Variants in HCRTR2 observed in about 807,000 individuals in gnomAD.
The protein encoded by HCRTR2 is orexin receptor type 2.
A neutral mutation model predicts 49.0 loss-of-function variants in HCRTR2; 22 were observed. That is an observed-to-expected ratio of 0.45 (90% confidence interval 0.32 to 0.64). The LOEUF (loss-of-function observed/expected upper bound fraction) is 0.64. Ranked by LOEUF, HCRTR2 falls within the 30% of genes least tolerant of loss-of-function variation. The probability of loss-of-function intolerance (pLI) is 0.04; values close to 1 mark genes in which losing one functional copy is unlikely to be tolerated. For missense variants in HCRTR2, 491 were observed against 559.4 expected (o/e 0.88, Z 1.23); for synonymous variants, 236 against 205.3 (o/e 1.15, Z -1.28).
intron 1 of HCRTR2, among the ~76,000 whole-genome samples, chr6:55,147,122 G>A (rs893016069): frequency 6.6e-6 from 1 of 152,006 alleles, no homozygotes; most frequent in Non-Finnish European, 1.5e-5. Context: ...AAAATGTAAG[G>A]TAATAATCTA....
chr6:55,228,463 T>C (rs1321139197), intron 1 of HCRTR2, among the ~76,000 whole-genome samples: 1 of 152,238 alleles, frequency 6.6e-6, no homozygotes. Flanking sequence ...AGAATGTCTG[T>C]ATCTTACAAT....
At chr6:55,109,801 G>A (rs1252944347) in intron 1 of HCRTR2, among the ~76,000 whole-genome samples, 1 of 152,022 alleles carries the variant, frequency 6.6e-6, no homozygotes, top group East Asian at 1.9e-4. Context: ...CATATTTGAA[G>A]GAATAATTGA....
chr6:55,248,218 G>A (rs146661040), intron 1 of HCRTR2, among the ~76,000 whole-genome samples: 1 of 152,098 alleles, frequency 6.6e-6, no homozygotes, highest in African/African-American at 2.4e-5. Flanking sequence ...GGGTTCAGGA[G>A]AAGATATGGG....
chr6:55,117,772 G>C (rs1764138056), intron 1 of HCRTR2, among the ~76,000 whole-genome samples: 1 of 96,328 alleles, frequency 1.0e-5, no homozygotes, highest in African/African-American at 4.2e-5. Flanking sequence ...CCTGCCCTTG[G>C]GATAAAGTCT....
chr6:55,244,150 T>A (rs1766387120), intron 1 of HCRTR2, among the ~76,000 whole-genome samples: 1 of 151,958 alleles, frequency 6.6e-6, no homozygotes, highest in Admixed American at 6.6e-5. Context: ...GGGCAAAAAT[T>A]CAACAGAAAC....
intron 2 of HCRTR2, among the ~76,000 whole-genome samples, chr6:55,250,210 A>G (rs970167737): frequency 2.0e-5 from 3 of 152,094 alleles, no homozygotes; most frequent in African/African-American, 4.8e-5. Flanking sequence ...AAAATCATGA[A>G]TGGATTACAA....
intron 1 of HCRTR2, among the ~76,000 whole-genome samples, chr6:55,179,213 C>T (rs902937954): frequency 6.6e-6 from 1 of 151,992 alleles, no homozygotes. Flanking sequence ...ATTTTAGTTT[C>T]ATGGGTGTTT....
chr6:55,119,056 T>C (rs369572664), intron 1 of HCRTR2, among the ~76,000 whole-genome samples: 1 of 151,930 alleles, frequency 6.6e-6, no homozygotes, highest in African/African-American at 2.4e-5. Flanking sequence ...TCTATTCCTA[T>C]GTTAGTTTAC....
At chr6:55,186,254 T>C (rs34694541) in intron 1 of HCRTR2, among the ~76,000 whole-genome samples, 1 of 152,148 alleles carries the variant, frequency 6.6e-6, no homozygotes. Context: ...GCAGGAGGAA[T>C]TTTTTACATA....
At chr6:55,116,372 G>A (rs1764115818) in intron 1 of HCRTR2, among the ~76,000 whole-genome samples, 2 of 151,384 alleles carry the variant, frequency 1.3e-5, no homozygotes, top group Admixed American at 6.6e-5. Context: ...GATTTAATTA[G>A]GGAATATATA....
At chr6:55,176,142 T>C (rs1327846116) in intron 1 of HCRTR2, among the ~76,000 whole-genome samples, 2 of 152,124 alleles carry the variant, frequency 1.3e-5, no homozygotes, top group East Asian at 1.9e-4. Flanking sequence ...TCCCGAGTAG[T>C]CTCTCACCAA....
chr6:55,274,276 TAC>T (rs1261593636), intron 4 of HCRTR2, among the ~76,000 whole-genome samples: 2 of 147,234 alleles, frequency 1.4e-5, no homozygotes, highest in African/African-American at 5.0e-5. Context: ...TATATACTTA[TAC>T]ATATATTTTA....
intron 1 of HCRTR2, among the ~76,000 whole-genome samples, chr6:55,138,294 A>G (rs1262203945): frequency 6.6e-6 from 1 of 152,230 alleles, no homozygotes; most frequent in Admixed American, 6.5e-5. Flanking sequence ...TTTAAGAAAG[A>G]TATAGTCTTC....
intron 1 of HCRTR2, among the ~76,000 whole-genome samples, chr6:55,133,387 A>AG (rs879516470): frequency 4.6e-5 from 7 of 151,472 alleles, no homozygotes; most frequent in Admixed American, 1.3e-4. Flanking sequence ...ACACACACAA[A>AG]AAAACACACA....
intron 1 of HCRTR2, among the ~76,000 whole-genome samples, chr6:55,118,431 G>T (rs555025528): frequency 1.4e-4 from 22 of 151,878 alleles, no homozygotes; most frequent in African/African-American, 4.8e-4. Context: ...TGAGATTGCT[G>T]GGTTGAATGG....
intron 1 of HCRTR2, among the ~76,000 whole-genome samples, chr6:55,224,389 G>A (rs1181344404): frequency 2.0e-5 from 3 of 152,024 alleles, no homozygotes; most frequent in Non-Finnish European, 2.9e-5. Flanking sequence ...AGGCCGAGGC[G>A]GGCAGATCAC....
intron 1 of HCRTR2, among the ~76,000 whole-genome samples, chr6:55,181,472 TTA>T (rs1410188897): frequency 6.6e-6 from 1 of 152,188 alleles, no homozygotes; most frequent in African/African-American, 2.4e-5. Flanking sequence ...TAAAAAATGT[TTA>T]GAGATTATTA....
At chr6:55,155,977 A>G (rs535859907) in intron 1 of HCRTR2, among the ~76,000 whole-genome samples, 16 of 152,080 alleles carry the variant, frequency 1.1e-4, no homozygotes, top group African/African-American at 3.8e-4. Flanking sequence ...AAAGTCATCT[A>G]AACTTCAGGT....
At chr6:55,217,549 C>T (rs560014377) in intron 1 of HCRTR2, among the ~76,000 whole-genome samples, 1 of 152,132 alleles carries the variant, frequency 6.6e-6, no homozygotes, top group Admixed American at 6.6e-5. Context: ...AGAGTATGGA[C>T]ACAGTTCCAG....
Sources: gnomAD v4.1 joint callset for allele counts (sites outside exome capture counted in the v4.1 genomes callset) on GRCh38, gnomAD v4.1.1 for gene constraint, MANE v1.5 for transcripts, NCBI Gene and HGNC (gene_info 2026-07-23, HGNC 2026-07-21) for gene names.